The following PLCG2 variants were observed in gnomAD, a reference collection of about 807,000 sequenced individuals.
The protein encoded by PLCG2 is 1-phosphatidylinositol 4,5-bisphosphate phosphodiesterase gamma-2.
In PLCG2, 69 loss-of-function variants were observed where a neutral mutation model predicts 175.6. That is an observed-to-expected ratio of 0.39 (90% CI 0.32 to 0.48). The LOEUF (loss-of-function observed/expected upper bound fraction) is 0.48. PLCG2 is among the 20% of genes least tolerant of loss of function. PLCG2 has a pLI of 0.91. For synonymous variants in PLCG2, 827 were observed against 624.0 expected, an observed-to-expected ratio of 1.33 and a Z score of -4.85; for missense variants, 1,798 against 1,650.9, an observed-to-expected ratio of 1.09 and a Z score of -1.54.
chr16:81,867,941 C>T (rs971466575), intron 5 of PLCG2, among the ~76,000 whole-genome samples: 15 of 152,140 alleles, frequency 9.9e-5, no homozygotes, highest in Admixed American at 2.6e-4. Context: ...CCTCGTGATC[C>T]GCCCGCCTCA....
intron 7 of PLCG2, among the ~76,000 whole-genome samples, chr16:81,878,611 T>G (rs1907929424): frequency 6.6e-6 from 1 of 152,184 alleles, no homozygotes; most frequent in Admixed American, 6.5e-5. Flanking sequence ...CTCTTGAGTC[T>G]ATTCCCGTCT....
chr16:81,821,503 G>A (rs1331700624), intron 2 of PLCG2, among the ~76,000 whole-genome samples: 1 of 152,178 alleles, frequency 6.6e-6, no homozygotes, highest in Non-Finnish European at 1.5e-5. Context: ...CGGCTGACAG[G>A]CAGCCGTTGC....
chr16:81,799,745 A>C (rs1194913317), intron 2 of PLCG2, among the ~76,000 whole-genome samples: 2 of 151,450 alleles, frequency 1.3e-5, no homozygotes, highest in Non-Finnish European at 2.9e-5. Context: ...GGCGCCCGCC[A>C]CCACACTTGG....
At chr16:81,943,447 C>T (rs1266267399) in intron 30 of PLCG2, among the ~76,000 whole-genome samples, 1 of 152,154 alleles carries the variant, frequency 6.6e-6, no homozygotes, top group East Asian at 1.9e-4. Context: ...ATCATGAGAA[C>T]AGCAAGTGGG....
chr16:81,863,561 T>C (rs941146134), intron 5 of PLCG2, among the ~76,000 whole-genome samples: 2 of 152,202 alleles, frequency 1.3e-5, no homozygotes, highest in African/African-American at 2.4e-5. Flanking sequence ...TGTGTATATA[T>C]CCAGAAGCTG....
At chr16:81,790,901 C>T (rs921442109) in intron 2 of PLCG2, among the ~76,000 whole-genome samples, 1 of 152,104 alleles carries the variant, frequency 6.6e-6, no homozygotes, top group Non-Finnish European at 1.5e-5. Flanking sequence ...TTCTGTAGTG[C>T]ACAGGACAGT....
chr16:81,817,259 C>CT (rs1226356400), intron 2 of PLCG2, among the ~76,000 whole-genome samples: 1 of 152,218 alleles, frequency 6.6e-6, no homozygotes, highest in African/African-American at 2.4e-5. Context: ...TGGAGAAGGA[C>CT]TATGCATCCA....
At chr16:81,865,098 G>T (rs1162610096) in intron 5 of PLCG2, among the ~76,000 whole-genome samples, 1 of 152,176 alleles carries the variant, frequency 6.6e-6, no homozygotes, top group Non-Finnish European at 1.5e-5. Flanking sequence ...ACCATGGCCT[G>T]GGCACACCTG....
rs1911646456 is a variant in PLCG2, at chr16:81,958,048, G to C, written c.*50G>C. ...ATTGTGTGTGTGCGCATGTGTGTTTGCATGTAGGAGAACGTGCCCTATTCA... is the reference window on the plus strand; with the variant it reads ...ATTGTGTGTGTGCGCATGTGTGTTTCCATGTAGGAGAACGTGCCCTATTCA... On this transcript the variant is annotated 3_prime_UTR_variant, in exon 33 of 33. Coordinates refer to ENST00000564138, the MANE Select transcript of PLCG2 (RefSeq NM_002661.5). The C allele has an allele frequency of 7.5e-7, 1 of 1,328,714 alleles. No individual in the cohort carries two copies. The highest frequency in any genetic ancestry group is 1.1e-6 in the Non-Finnish European group (1 of 919,906). 82.3% of individuals were successfully genotyped at this position (1,328,714 alleles called of 1,614,324 possible).
Position 81,911,614 on chromosome 16 carries a change from T to G in PLCG2, c.1934+894T>G, listed in dbSNP as rs1451495192. ...GTGCCCAGCTAATTAATTAATTAAT[T>G]AATTAATTAATTTTGAGACCGGGTC... On this transcript the variant is annotated intron_variant, in intron 18 of 32. Transcript: ENST00000564138. 1.1e-4 allele frequency among the ~76,000 whole-genome samples: 17 copies of G among 150,808 alleles called. No individual in the cohort carries two copies. The East Asian group carries it at 3.1e-3, about 28-fold the overall frequency.
chr16:81,891,436 A>T, intron 10 of PLCG2, 36 bp from the exon 11 acceptor site: 1 of 1,139,940 alleles, frequency 8.8e-7, no homozygotes. Context: ...CTGCCCGTCA[A>T]CGTGATGATT....
At chr16:81,854,890 G>C (rs1431709083) in intron 3 of PLCG2, among the ~76,000 whole-genome samples, 6 of 152,112 alleles carry the variant, frequency 3.9e-5, no homozygotes, top group Admixed American at 2.0e-4. Flanking sequence ...GTGATGATTA[G>C]ATAGTTTTAA....
intron 9 of PLCG2, chr16:81,883,588 A>C (rs775017922): frequency 1.8e-5 from 10 of 545,586 alleles, no homozygotes; most frequent in Non-Finnish European, 3.3e-5. Flanking sequence ...GAAGGCACAC[A>C]TTGAGGATGA....
intron 2 of PLCG2, chr16:81,766,795 A>T (rs955247546): frequency 6.6e-6 from 1 of 152,254 alleles, no homozygotes; most frequent in Non-Finnish European, 1.5e-5. Context: ...CTCAGCCAAG[A>T]AGGTACAATC....
intron 2 of PLCG2, among the ~76,000 whole-genome samples, chr16:81,757,015 G>T (rs1300959267): frequency 6.6e-6 from 1 of 152,236 alleles, no homozygotes; most frequent in Non-Finnish European, 1.5e-5. Flanking sequence ...GAAGTGTAGT[G>T]ACTCTGTATC....
At chr16:81,852,003 C>G (rs1200644007) in intron 2 of PLCG2, 2 of 56,760 alleles carry the variant, frequency 3.5e-5, no homozygotes, top group Non-Finnish European at 1.1e-4. Context: ...CTCTAAGATG[C>G]CTTTGCTCAC....
At position 81,875,779 on chromosome 16, in the gene PLCG2, A is replaced by G. The variant is rs555060754; in HGVS notation, c.648+4844A>G. On this transcript the variant is annotated intron_variant, in intron 7 of 32. Coordinates refer to ENST00000564138, the MANE Select transcript of PLCG2 (RefSeq NM_002661.5). ...TTGCAAAAAATCAAAAAGAAAATTG[A>G]GAAGGCTGCTAACGTATCTCTGGTT... 2.0e-5 allele frequency among the ~76,000 whole-genome samples: 3 copies of G among 152,330 alleles called. No individual in the cohort carries two copies. The South Asian group carries it at 6.2e-4, about 32-fold the overall frequency.
chr16:81,843,699 A>G (rs187158612), intron 2 of PLCG2, among the ~76,000 whole-genome samples: 3 of 152,188 alleles, frequency 2.0e-5, no homozygotes, highest in Non-Finnish European at 1.5e-5. Context: ...CTATCCTCCA[A>G]CTACCTTGTA....
At position 81,858,399 on chromosome 16, in the gene PLCG2, T is replaced by C. The variant is rs770111079; in HGVS notation, c.431+43T>C. 6 of 1,328,168 alleles carry C rather than the reference T, an allele frequency of 4.5e-6. No homozygotes were observed. The East Asian group carries it at 1.4e-4, about 31-fold the overall frequency. 82.3% of individuals were successfully genotyped at this position (1,328,168 alleles called of 1,614,324 possible). On this transcript the variant is annotated intron_variant, in intron 4 of 32. Coordinates refer to ENST00000564138, the MANE Select transcript of PLCG2 (RefSeq NM_002661.5). ...GTTGATTTGCGTAGTTGCTGATTCC[T>C]TTATTCTGCTGCCTTTAGCCAACAT... is the stretch of plus-strand genomic sequence containing the variant.
Sources: allele counts gnomAD v4.1 joint callset (sites outside exome capture counted in the v4.1 genomes callset), GRCh38; gene constraint gnomAD v4.1.1; transcripts MANE v1.5; gene names NCBI Gene and HGNC (gene_info 2026-07-23, HGNC 2026-07-21).